XRCC1: variants seen among roughly 807,000 people sequenced by gnomAD.
XRCC1 encodes the protein X-ray repair cross complementing 1, also known as DNA repair protein XRCC1.
XRCC1 carries 52 observed loss-of-function variants against 83.3 expected under a neutral mutation model. That is an observed-to-expected ratio of 0.62 (90% confidence interval 0.50 to 0.79). XRCC1 has a LOEUF of 0.79. XRCC1 is among the 30% of genes least tolerant of loss of function. The pLI is 0.00. For missense variants in XRCC1, 793 were observed against 823.5 expected (o/e 0.96, Z 0.45); for synonymous variants, 281 against 312.6 (o/e 0.90, Z 1.07).
chr19:43,560,800 T>C (rs1972690295), intron 3 of XRCC1, 110 bp downstream of exon 3: 2 of 855,326 alleles, frequency 2.3e-6, no homozygotes, highest in South Asian at 2.9e-5. Context: ...AGCAATCAGG[T>C]GTGACTCACA....
chr19:43,574,786 C>T, intron 2 of XRCC1, 124 bp downstream of exon 2: 3 of 745,432 alleles, frequency 4.0e-6, no homozygotes, highest in Admixed American at 2.1e-5. Flanking sequence ...GCCCATTTTC[C>T]GAGTAAGGAA....
chr19:43,562,519 G>A (rs1291563911), intron 2 of XRCC1, among the ~76,000 whole-genome samples: 1 of 152,046 alleles, frequency 6.6e-6, no homozygotes, highest in Non-Finnish European at 1.5e-5. Flanking sequence ...TGGGGTGGGA[G>A]GATCACTTGA....
At chr19:43,551,740 G>A in intron 9 of XRCC1, 53 bp from the exon 10 acceptor site, 1 of 1,391,922 alleles carries the variant, frequency 7.2e-7, no homozygotes, top group South Asian at 1.2e-5. Flanking sequence ...GAGGGGCAAA[G>A]GGGAACGAGA....
intron 10 of XRCC1, 97 bp downstream of exon 10, chr19:43,551,474 T>G: frequency 2.8e-6 from 3 of 1,081,036 alleles, no homozygotes; most frequent in Non-Finnish European, 4.2e-6. Flanking sequence ...TGGGACCACC[T>G]GTGTTCTCCG....
intron 2 of XRCC1, among the ~76,000 whole-genome samples, chr19:43,568,099 A>G (rs1600059282): frequency 6.6e-6 from 1 of 150,552 alleles, no homozygotes; most frequent in South Asian, 2.1e-4. Context: ...GGTCTTGAAC[A>G]CCTGACCTCG....
chr19:43,550,209 G>C (rs977408356), intron 10 of XRCC1, among the ~76,000 whole-genome samples: 21 of 152,088 alleles, frequency 1.4e-4, no homozygotes, highest in African/African-American at 4.6e-4. Context: ...AAACTCCCAG[G>C]AGGGCCTGGG....
At chr19:43,566,807 A>G (rs1009677660) in intron 2 of XRCC1, among the ~76,000 whole-genome samples, 11 of 150,584 alleles carry the variant, frequency 7.3e-5, no homozygotes, top group Admixed American at 6.7e-5. Context: ...TGAACCTGGG[A>G]AGCAGAGGTT....
At chr19:43,547,196 T>G (rs1430287277) in intron 10 of XRCC1, among the ~76,000 whole-genome samples, 2 of 14,608 alleles carry the variant, frequency 1.4e-4, no homozygotes, top group African/African-American at 9.5e-4. Context: ...CCCCTCCCTC[T>G]TTTTTTTTTT....
At chr19:43,544,756 A>T (rs1313681061) in intron 14 of XRCC1, among the ~76,000 whole-genome samples, 1 of 151,864 alleles carries the variant, frequency 6.6e-6, no homozygotes, top group Non-Finnish European at 1.5e-5. Flanking sequence ...CAATCCTCCC[A>T]CCTCAGCCTC....
rs1972597601 is a variant in XRCC1, at chr19:43,553,016, G to A, written c.677C>T (p.Ser226Phe). ...LQASSAASSASPVSRAIGSTS... is the reference protein window; with the variant it reads ...LQASSAASSAFPVSRAIGSTS... ...GCTGCCTATGGCCCTGGAGACTGGA[G>A]AGGCTGAGGAGGCAGCACTAGAAGC... Residue 226 changes from serine (S) to phenylalanine (F), a missense_variant, in exon 7 of 17, where the codon TCT becomes TTT. Ser to Phe is a radical substitution (Grantham distance 155). Coordinates refer to ENST00000262887, the MANE Select transcript of XRCC1 (RefSeq NM_006297.3). 1.2e-6 allele frequency: 2 copies of A among 1,602,114 alleles called. No individual in the cohort carries two copies. The highest frequency in any genetic ancestry group is 1.7e-6 in the Non-Finnish European group (2 of 1,174,616).
intron 2 of XRCC1, among the ~76,000 whole-genome samples, chr19:43,570,984 G>T (rs1568519287): frequency 1.3e-5 from 2 of 152,186 alleles, no homozygotes; most frequent in African/African-American, 4.8e-5. Context: ...CTGCTGCAAT[G>T]CTGATCTCCC....
At chr19:43,561,498 G>A (rs1387100810) in intron 2 of XRCC1, among the ~76,000 whole-genome samples, 1 of 152,206 alleles carries the variant, frequency 6.6e-6, no homozygotes, top group African/African-American at 2.4e-5. Context: ...CTGCACACTA[G>A]CTGTATGACC....
At position 43,575,512 on chromosome 19, in the gene XRCC1, G is replaced by C. The variant is rs753641612; in HGVS notation, c.-54C>G. On this transcript the variant is annotated 5_prime_UTR_variant, in exon 1 of 17. Transcript: ENST00000262887. ...AAGGATGAGGTAGAGTATGGGGTCC[G>C]AGGGGCAGGGAGAGTGGGAGGGGGC... 1.9e-6 allele frequency: 3 copies of C among 1,575,544 alleles called. No individual in the cohort carries two copies. Among genetic ancestry groups the C allele is most frequent in the African/African-American group, 2.7e-5 (2 of 73,728 alleles).
At chr19:43,563,502 A>G (rs773893529) in intron 2 of XRCC1, among the ~76,000 whole-genome samples, 8 of 152,072 alleles carry the variant, frequency 5.3e-5, no homozygotes, top group Non-Finnish European at 1.0e-4. Context: ...CAAAAACAAC[A>G]ACAACAACAA....
intron 10 of XRCC1, among the ~76,000 whole-genome samples, chr19:43,548,050 GGCC>G: frequency 5.2e-5 from 1 of 19,068 alleles, no homozygotes; most frequent in Non-Finnish European, 9.4e-5. Flanking sequence ...GGAGGTGGGG[GGCC>G]AGCCGCCCCG....
chr19:43,562,086 C>A lies in XRCC1; in HGVS notation c.145-1066G>T, dbSNP rs1972704807. Among the ~76,000 whole-genome samples the A allele has an allele frequency of 4.3e-5, 6 of 140,824 alleles. No homozygotes were observed. The Admixed American group carries it at 4.7e-4, about 11-fold the overall frequency. 92.4% of individuals were successfully genotyped at this position (140,824 alleles called of 152,430 possible). On this transcript the variant is annotated intron_variant, in intron 2 of 16. Transcript: ENST00000262887. ...TCTTGAACCTAGGAGGCAGAGGTTT[C>A]AGTAAGCAGAGATCATGCCACTGCA...
chr19:43,568,234 C>T (rs1043891150), intron 2 of XRCC1, among the ~76,000 whole-genome samples: 9 of 151,878 alleles, frequency 5.9e-5, no homozygotes, highest in Non-Finnish European at 1.0e-4. Flanking sequence ...GCGTGGCTGA[C>T]GCCTGTAATC....
intron 3 of XRCC1, 37 bp from the exon 4 acceptor site, chr19:43,554,841 C>A: frequency 6.3e-7 from 1 of 1,591,246 alleles, no homozygotes; most frequent in Non-Finnish European, 8.6e-7. Context: ...AGAACCAGGG[C>A]AGGTTGGCTT....
At position 43,553,006 on chromosome 19, in the gene XRCC1, G is replaced by A; in HGVS notation, c.687C>T (p.Ser229=). The A allele has an allele frequency of 6.2e-7, 1 of 1,603,168 alleles. No individual in the cohort carries two copies. The highest frequency in any genetic ancestry group is 8.5e-7 in the Non-Finnish European group (1 of 1,175,204). ...SSAASSASPV[S]RAIGSTSKPQ... is the part of the protein sequence containing the mutation. Reference sequence around the variant, plus strand: ...CCTTGGAGGTGCTGCCTATGGCCCTGGAGACTGGAGAGGCTGAGGAGGCAG... The same window carrying A: ...CCTTGGAGGTGCTGCCTATGGCCCTAGAGACTGGAGAGGCTGAGGAGGCAG... The change falls in exon 7 of 17, where the codon TCC becomes TCT. Residue 229 remains serine (S), a synonymous_variant. Coordinates refer to ENST00000262887, the MANE Select transcript of XRCC1 (RefSeq NM_006297.3).
Sources: allele counts gnomAD v4.1 joint callset (sites outside exome capture counted in the v4.1 genomes callset), GRCh38; gene constraint gnomAD v4.1.1; transcripts MANE v1.5; gene names NCBI Gene and HGNC (gene_info 2026-07-23, HGNC 2026-07-21).